The following MACROD2 variants were observed in gnomAD, a reference collection of about 807,000 sequenced individuals.
The protein encoded by MACROD2 is mono-ADP ribosylhydrolase 2.
In MACROD2, 36 loss-of-function variants were observed where a neutral mutation model predicts 70.4. That is an observed-to-expected ratio of 0.51 (90% CI 0.39 to 0.68). The LOEUF is 0.68. Among genes scored for constraint, MACROD2 ranks in the 30% least tolerant of loss-of-function variants. The pLI is 0.00. For synonymous variants in MACROD2, 172 were observed against 178.8 expected, an observed-to-expected ratio of 0.96 and a Z score of 0.30; for missense variants, 496 against 538.4, an observed-to-expected ratio of 0.92 and a Z score of 0.78.
intron 5 of MACROD2, among the ~76,000 whole-genome samples, chr20:14,863,058 C>A (rs1009709477): frequency 6.6e-6 from 1 of 152,012 alleles, no homozygotes; most frequent in East Asian, 1.9e-4. Context: ...TTAGTATTCA[C>A]TAGCCATTCT....
chr20:15,615,793 C>T (rs1021825640), intron 8 of MACROD2, among the ~76,000 whole-genome samples: 7 of 152,194 alleles, frequency 4.6e-5, no homozygotes, highest in East Asian at 1.9e-4. Context: ...AAATCGGACT[C>T]GGGGAAGAAG....
At chr20:15,697,147 T>C (rs1568980076) in intron 8 of MACROD2, among the ~76,000 whole-genome samples, 1 of 152,140 alleles carries the variant, frequency 6.6e-6, no homozygotes, top group Admixed American at 6.5e-5. Flanking sequence ...TGACCTTAGA[T>C]TGTCTGTTTG....
intron 3 of MACROD2, among the ~76,000 whole-genome samples, chr20:14,158,907 T>C (rs2055143473): frequency 6.6e-6 from 1 of 152,144 alleles, no homozygotes; most frequent in African/African-American, 2.4e-5. Context: ...TTTTTGGTTC[T>C]ATACAAATTT....
At chr20:15,105,724 CT>C (rs1218308618) in intron 5 of MACROD2, among the ~76,000 whole-genome samples, 3 of 152,088 alleles carry the variant, frequency 2.0e-5, no homozygotes, top group Non-Finnish European at 4.4e-5. Flanking sequence ...CAGGCCTGGA[CT>C]TAGAGACAGC....
At chr20:14,644,812 A>ACC (rs1985293745) in intron 4 of MACROD2, among the ~76,000 whole-genome samples, 1 of 152,154 alleles carries the variant, frequency 6.6e-6, no homozygotes, top group Non-Finnish European at 1.5e-5. Flanking sequence ...TAGTAACTCC[A>ACC]GATGCCATTT....
intron 5 of MACROD2, among the ~76,000 whole-genome samples, chr20:15,126,354 T>A (rs985309184): frequency 6.6e-6 from 1 of 152,026 alleles, no homozygotes; most frequent in Non-Finnish European, 1.5e-5. Flanking sequence ...CCAACACTTG[T>A]AGTTTTTGCT....
intron 5 of MACROD2, among the ~76,000 whole-genome samples, chr20:14,791,304 G>A (rs1033577488): frequency 4.6e-5 from 7 of 152,070 alleles, no homozygotes; most frequent in Non-Finnish European, 7.3e-5. Context: ...GTGCTCCAAC[G>A]ATCCCTGTGT....
chr20:14,640,078 T>C (rs1985005759), intron 4 of MACROD2, among the ~76,000 whole-genome samples: 1 of 152,152 alleles, frequency 6.6e-6, no homozygotes, highest in Non-Finnish European at 1.5e-5. Flanking sequence ...TTTACAGGCA[T>C]ACGATAAAGT....
At chr20:16,015,625 G>A (rs1222071124) in intron 15 of MACROD2, among the ~76,000 whole-genome samples, 1 of 152,176 alleles carries the variant, frequency 6.6e-6, no homozygotes, top group Non-Finnish European at 1.5e-5. Flanking sequence ...TCCTTACAAT[G>A]AGTCTTTCTT....
At chr20:14,642,649 G>A (rs1985159163) in intron 4 of MACROD2, among the ~76,000 whole-genome samples, 1 of 152,150 alleles carries the variant, frequency 6.6e-6, no homozygotes, top group African/African-American at 2.4e-5. Context: ...CCAAGGAGAG[G>A]AAGAGAGATG....
intron 2 of MACROD2, among the ~76,000 whole-genome samples, chr20:14,074,258 A>G (rs1409972895): frequency 6.6e-6 from 1 of 152,114 alleles, no homozygotes; most frequent in Non-Finnish European, 1.5e-5. Flanking sequence ...ATAGTCCCTG[A>G]ATAATGTTTT....
At chr20:15,874,256 T>A (rs12624918) in intron 9 of MACROD2, among the ~76,000 whole-genome samples, 8,660 of 152,066 alleles carry the variant, frequency 0.057, 442 homozygotes, top group East Asian at 0.25. Flanking sequence ...CATCCTTTTT[T>A]TGGCTGCATA....
At chr20:15,631,599 C>G (rs996085791) in intron 8 of MACROD2, among the ~76,000 whole-genome samples, 2 of 152,106 alleles carry the variant, frequency 1.3e-5, no homozygotes, top group Non-Finnish European at 2.9e-5. Flanking sequence ...CTTTCTTGAA[C>G]CATTACAGTA....
At chr20:15,482,993 A>C (rs899766752) in intron 7 of MACROD2, among the ~76,000 whole-genome samples, 4 of 151,994 alleles carry the variant, frequency 2.6e-5, no homozygotes, top group Non-Finnish European at 5.9e-5. Flanking sequence ...GTCTTTTGCA[A>C]ATATTTTCAC....
In MACROD2 at chr20:15,763,673, C is replaced by G. The variant is rs11905344; in HGVS notation, c.646-99072C>G. On this transcript the variant is annotated intron_variant, in intron 8 of 17. Transcript: ENST00000684519. ...TGGACAGAAATCAGATCCAAATAATCTTGCCTTAAAAAAAAAACACAGATT... is the reference window on the plus strand; with the variant it reads ...TGGACAGAAATCAGATCCAAATAATGTTGCCTTAAAAAAAAAACACAGATT... Among the ~76,000 whole-genome samples, 374 of 117,494 alleles carry G rather than the reference C, an allele frequency of 3.2e-3. 3 individuals are homozygous for G. The highest frequency in any genetic ancestry group is 0.015 in the African/African-American group (355 of 24,428). The allele number at this position is 117,494 out of a possible 152,430, so 77.1% of individuals were successfully genotyped here. A position where few individuals can be genotyped will look rare whatever the true frequency, so the allele number is the denominator to read the frequency against.
intron 5 of MACROD2, among the ~76,000 whole-genome samples, chr20:15,097,015 T>C (rs2075838829): frequency 6.6e-6 from 1 of 151,838 alleles, no homozygotes; most frequent in African/African-American, 2.4e-5. Context: ...TTTCACCACA[T>C]TGGCCAGGCT....
intron 2 of MACROD2, among the ~76,000 whole-genome samples, chr20:14,017,473 T>C (rs1445237145): frequency 6.6e-6 from 1 of 152,116 alleles, no homozygotes; most frequent in Non-Finnish European, 1.5e-5. Context: ...ATTTTTCATA[T>C]GTCTCCATTA....
chr20:14,282,621 G>C (rs909216053), intron 3 of MACROD2, among the ~76,000 whole-genome samples: 2 of 152,166 alleles, frequency 1.3e-5, no homozygotes, highest in Non-Finnish European at 2.9e-5. Flanking sequence ...AAATAAAAGA[G>C]GTTTAATTGG....
intron 6 of MACROD2, among the ~76,000 whole-genome samples, chr20:15,255,460 T>G (rs1469147156): frequency 6.6e-6 from 1 of 152,124 alleles, no homozygotes; most frequent in African/African-American, 2.4e-5. Context: ...ATCATCACTT[T>G]GACAGTCTTG....
Sources: allele counts gnomAD v4.1 joint callset (sites outside exome capture counted in the v4.1 genomes callset), GRCh38; gene constraint gnomAD v4.1.1; transcripts MANE v1.5; gene names NCBI Gene and HGNC (gene_info 2026-07-23, HGNC 2026-07-21).